Variants in RNF144A observed in about 807,000 individuals in gnomAD.
The protein encoded by RNF144A is ring finger protein 144A.
RNF144A carries 11 observed loss-of-function variants against 38.7 expected under a neutral mutation model. The ratio of observed to expected loss-of-function variants is 0.28; its 90% confidence interval spans 0.18 to 0.47. The LOEUF is 0.47. Among genes scored for constraint, RNF144A ranks in the 20% least tolerant of loss-of-function variants. The pLI is 0.99. For synonymous variants in RNF144A, 149 were observed against 143.9 expected (o/e 1.04, Z -0.25); for missense variants, 316 against 377.2 (o/e 0.84, Z 1.34).
chr2:6,969,355 T>TG lies in RNF144A; in HGVS notation c.-11-27558dup, dbSNP rs1667859087. ...TGGTGTCCGTATAAGAAGGGGAAAC[T>TG]GGGAGACAGAGATACACATAGAAGG... is the stretch of plus-strand genomic sequence containing the variant. On this transcript the variant is annotated intron_variant, in intron 2 of 8. Transcript: ENST00000320892. Among the ~76,000 whole-genome samples, 6 of 152,092 alleles carry TG rather than the reference T, an allele frequency of 3.9e-5. No homozygotes were observed. In the South Asian group the frequency reaches 1.2e-3, roughly 32 times the overall value.
At chr2:6,996,548 A>G (rs1416162814) in intron 2 of RNF144A, among the ~76,000 whole-genome samples, 1 of 152,046 alleles carries the variant, frequency 6.6e-6, no homozygotes, top group Non-Finnish European at 1.5e-5. Flanking sequence ...AGGTCAGGAG[A>G]TCGAGACCAT....
At chr2:7,027,824 G>A (rs916363224) in intron 7 of RNF144A, among the ~76,000 whole-genome samples, 2 of 152,216 alleles carry the variant, frequency 1.3e-5, no homozygotes, top group Non-Finnish European at 2.9e-5. Context: ...AAAATCATAA[G>A]TCAATCATTT....
chr2:6,965,945 A>G (rs1667640726), intron 2 of RNF144A, among the ~76,000 whole-genome samples: 1 of 152,158 alleles, frequency 6.6e-6, no homozygotes. Context: ...GAAAAGGAAA[A>G]AAGACCGCTC....
intron 6 of RNF144A, among the ~76,000 whole-genome samples, chr2:7,056,061 G>T (rs1426354568): frequency 1.3e-5 from 2 of 152,122 alleles, no homozygotes; most frequent in Non-Finnish European, 2.9e-5. Flanking sequence ...CCAGTGGTTT[G>T]CTGGGAATTT....
chr2:6,922,773 C>T (rs1477777834), intron 1 of RNF144A, among the ~76,000 whole-genome samples: 3 of 152,010 alleles, frequency 2.0e-5, no homozygotes, highest in Admixed American at 6.5e-5. Flanking sequence ...TACAGGCGCC[C>T]GCCGCCACAC....
chr2:7,051,160 C>T (rs182727177), intron 6 of RNF144A, among the ~76,000 whole-genome samples: 106 of 152,210 alleles, frequency 7.0e-4, no homozygotes, highest in African/African-American at 2.4e-3. Flanking sequence ...CTGGAGGAGA[C>T]GGAATTGGGG....
intron 2 of RNF144A, among the ~76,000 whole-genome samples, chr2:6,942,594 C>G (rs1666072621): frequency 6.6e-6 from 1 of 152,188 alleles, no homozygotes; most frequent in Non-Finnish European, 1.5e-5. Flanking sequence ...AGGGGAAAGT[C>G]TGTAATGACT....
chr2:6,998,785 C>T (rs999237533), intron 3 of RNF144A, among the ~76,000 whole-genome samples: 10 of 152,088 alleles, frequency 6.6e-5, no homozygotes, highest in African/African-American at 1.7e-4. Flanking sequence ...TGGTAGAACC[C>T]GTCAAGATGG....
intron 2 of RNF144A, among the ~76,000 whole-genome samples, chr2:6,960,464 T>G (rs1301573156): frequency 6.6e-6 from 1 of 152,178 alleles, no homozygotes; most frequent in East Asian, 1.9e-4. Flanking sequence ...TGATACTCTT[T>G]TAAAAAGGCA....
intron 2 of RNF144A, among the ~76,000 whole-genome samples, chr2:6,948,044 G>A (rs764812067): frequency 1.4e-4 from 21 of 152,218 alleles, no homozygotes; most frequent in Admixed American, 6.5e-4. Context: ...GAGGGAAGAG[G>A]GAAGGAGGTC....
downstream of RNF144A, among the ~76,000 whole-genome samples, chr2:7,069,352 C>G (rs1674366598): frequency 6.6e-6 from 1 of 152,224 alleles, no homozygotes; most frequent in Admixed American, 6.5e-5. Context: ...ATTTTGAGAA[C>G]AAGCTTGAGC....
intron 5 of RNF144A, among the ~76,000 whole-genome samples, chr2:7,016,444 G>C (rs1671143581): frequency 6.6e-6 from 1 of 151,930 alleles, no homozygotes; most frequent in Non-Finnish European, 1.5e-5. Context: ...AAATGCAGCT[G>C]GGTACATTTT....
downstream of RNF144A, among the ~76,000 whole-genome samples, chr2:7,068,727 C>T (rs372105251): frequency 2.1e-4 from 32 of 152,226 alleles, no homozygotes; most frequent in South Asian, 6.2e-4. Flanking sequence ...CAGATAGAGA[C>T]GGGGACTGAG....
intron 6 of RNF144A, chr2:7,062,843 C>T (rs1200746698): frequency 6.6e-6 from 1 of 152,252 alleles, no homozygotes; most frequent in Non-Finnish European, 1.5e-5. Flanking sequence ...GCTCACATTA[C>T]AAATTTGATA....
Position 7,040,453 on chromosome 2 carries a change from C to A in RNF144A, c.*693C>A, listed in dbSNP as rs538901383. 65 of 985,374 alleles carry A rather than the reference C, an allele frequency of 6.6e-5. 1 individual carries two copies. In the African/African-American group the frequency reaches 1.1e-3, roughly 16 times the overall value. The allele number at this position is 985,374 out of a possible 1,614,324, so 61.0% of individuals were successfully genotyped here. ...TAAGCTGTGTACTGTTATAAGTGTG[C>A]TTCCTATATTGTTGCATTTCCTTGA... On this transcript the variant is annotated 3_prime_UTR_variant, in exon 9 of 9. Coordinates refer to ENST00000320892, the MANE Select transcript of RNF144A (RefSeq NM_014746.6).
At chr2:6,964,082 G>C (rs1667502385) in intron 2 of RNF144A, among the ~76,000 whole-genome samples, 1 of 151,934 alleles carries the variant, frequency 6.6e-6, no homozygotes, top group Non-Finnish European at 1.5e-5. Flanking sequence ...ACAAAAAACA[G>C]AAAACAAAAA....
chr2:6,929,586 T>C (rs1017348770), intron 1 of RNF144A, among the ~76,000 whole-genome samples: 5 of 152,220 alleles, frequency 3.3e-5, no homozygotes, highest in African/African-American at 9.6e-5. Context: ...GTGGTGGTTT[T>C]CAAAACCACG....
intron 6 of RNF144A, among the ~76,000 whole-genome samples, chr2:7,063,138 A>G (rs1263212459): frequency 6.6e-6 from 1 of 152,240 alleles, no homozygotes; most frequent in Non-Finnish European, 1.5e-5. Flanking sequence ...CCAGGTAAGA[A>G]ATTATGAAGC....
At chr2:6,933,602 A>G (rs1157773393) in intron 1 of RNF144A, among the ~76,000 whole-genome samples, 2 of 152,208 alleles carry the variant, frequency 1.3e-5, no homozygotes, top group Non-Finnish European at 2.9e-5. Flanking sequence ...AATGCAGAGA[A>G]TAAAAAACAA....
Sources: allele counts gnomAD v4.1 joint callset (sites outside exome capture counted in the v4.1 genomes callset), GRCh38; gene constraint gnomAD v4.1.1; transcripts MANE v1.5; gene names NCBI Gene and HGNC (gene_info 2026-07-23, HGNC 2026-07-21).